The following MAGI1 variants were observed in gnomAD, a reference collection of about 807,000 sequenced individuals.
The protein encoded by MAGI1 is membrane associated guanylate kinase, WW and PDZ domain containing 1, also known as membrane-associated guanylate kinase, WW and PDZ domain-containing protein 1.
MAGI1 carries 58 observed loss-of-function variants against 139.9 expected under a neutral mutation model. That is an observed-to-expected ratio of 0.41 (90% CI 0.34 to 0.52). The LOEUF (loss-of-function observed/expected upper bound fraction) is 0.52. MAGI1 is among the 20% of genes least tolerant of loss of function. The pLI is 0.12. For missense variants in MAGI1, 1,874 were observed against 1,901.6 expected (o/e 0.99, Z 0.27); for synonymous variants, 812 against 737.9 (o/e 1.10, Z -1.63).
At chr3:65,713,509 C>A (rs1194838898) in intron 1 of MAGI1, among the ~76,000 whole-genome samples, 1 of 152,004 alleles carries the variant, frequency 6.6e-6, no homozygotes, top group East Asian at 1.9e-4. Context: ...GGCTGTCTAC[C>A]CTGTGGGAAC....
chr3:65,689,963 A>AGAT (rs1196015342), intron 1 of MAGI1, among the ~76,000 whole-genome samples: 1 of 151,990 alleles, frequency 6.6e-6, no homozygotes, highest in East Asian at 1.9e-4. Flanking sequence ...TCTTCTGGGG[A>AGAT]TCTGTATCCC....
rs776721424 is a variant in MAGI1, at chr3:66,038,127, C to A, written c.182G>T (p.Gly61Val). The A allele has an allele frequency of 6.2e-6, 10 of 1,612,150 alleles. No individual in the cohort carries two copies. The highest frequency in any genetic ancestry group is 8.5e-6 in the Non-Finnish European group (10 of 1,179,538). ...CAGCTCCCCTTCGCCCAGCCTCGGG[C>A]CCTCGCCGCCGCCGGGAAGCCCCGC... ...EAAGLPGGGE[G>V]PRLGEGELLL... is the part of the protein sequence containing the mutation. Residue 61 changes from glycine (G) to valine (V), a missense_variant, in exon 1 of 23, where the codon GGC (glycine) becomes GTC (valine). This residue lies in a region of MAGI1 where 648 missense variants were observed against 598.1 expected (regional missense o/e 1.08). Coordinates refer to ENST00000402939, the MANE Select transcript of MAGI1 (RefSeq NM_001033057.2).
At chr3:65,722,016 A>C (rs967380795) in intron 1 of MAGI1, among the ~76,000 whole-genome samples, 3 of 151,944 alleles carry the variant, frequency 2.0e-5, no homozygotes, top group Non-Finnish European at 4.4e-5. Context: ...CTTGCTTTCC[A>C]CTATGAGTTC....
intron 3 of MAGI1, 74 bp downstream of exon 3, chr3:65,493,438 T>G: frequency 6.3e-7 from 1 of 1,586,418 alleles, no homozygotes; most frequent in Non-Finnish European, 8.6e-7. Context: ...ACAAAACATT[T>G]TTGCCTGGAT....
intron 1 of MAGI1, among the ~76,000 whole-genome samples, chr3:65,754,958 ATT>A (rs11352075): frequency 6.8e-5 from 10 of 148,052 alleles, no homozygotes; most frequent in African/African-American, 1.2e-4. Context: ...TATTTTTTAA[ATT>A]TTTTTTTTTT....
At position 65,812,468 on chromosome 3, in the gene MAGI1, T is replaced by TCTCTCTCTCACACACACACACA. The variant is rs1176899313; in HGVS notation, c.314-190381_314-190380insTGTGTGTGTGTGTGAGAGAGAG. Among the ~76,000 whole-genome samples, 4 of 89,168 alleles carry TCTCTCTCTCACACACACACACA rather than the reference T, an allele frequency of 4.5e-5. No individual in the cohort carries two copies. In the South Asian group the frequency reaches 1.9e-3, roughly 43 times the overall value. 58.5% of individuals were successfully genotyped at this position (89,168 alleles called of 152,430 possible). ...CTTTCTCTCTCTCTCTCTCTCTCTC[T>TCTCTCTCTCACACACACACACA]CACACACACACACACACACACACTT... is the stretch of plus-strand genomic sequence containing the variant. On this transcript the variant is annotated intron_variant, in intron 1 of 22. Transcript: ENST00000402939.
In MAGI1 at chr3:65,780,025, G is replaced by T. The variant is rs185017287; in HGVS notation, c.314-157937C>A. Among the ~76,000 whole-genome samples, 890 of 142,792 alleles carry T rather than the reference G, an allele frequency of 6.2e-3. 1 individual carries two copies. The highest frequency in any genetic ancestry group is 0.011 in the Middle Eastern group (3 of 284). 93.7% of individuals were successfully genotyped at this position (142,792 alleles called of 152,430 possible). On this transcript the variant is annotated intron_variant, in intron 1 of 22. Coordinates refer to ENST00000402939, the MANE Select transcript of MAGI1 (RefSeq NM_001033057.2). ...TGAGAACATGCTATCAATTTTTTGG[G>T]GGGGGAAGGGCAGGGGGGACATCAT...
At chr3:65,414,719 T>A (rs1043069661) in intron 12 of MAGI1, among the ~76,000 whole-genome samples, 3 of 151,764 alleles carry the variant, frequency 2.0e-5, no homozygotes, top group African/African-American at 7.3e-5. Flanking sequence ...AGGAGATAAA[T>A]GATAACAACC....
chr3:65,892,237 TA>T (rs1455781200), intron 1 of MAGI1, among the ~76,000 whole-genome samples: 4 of 152,118 alleles, frequency 2.6e-5, no homozygotes, highest in Admixed American at 1.3e-4. Flanking sequence ...TATTTTTCTT[TA>T]ATTATGTTAC....
At chr3:65,717,074 T>C (rs1049805511) in intron 1 of MAGI1, among the ~76,000 whole-genome samples, 7 of 152,188 alleles carry the variant, frequency 4.6e-5, no homozygotes, top group African/African-American at 1.4e-4. Flanking sequence ...TCCTGGATTA[T>C]CTGGATGGGC....
chr3:65,764,298 A>C (rs928795004), intron 1 of MAGI1, among the ~76,000 whole-genome samples: 1 of 152,098 alleles, frequency 6.6e-6, no homozygotes, highest in Non-Finnish European at 1.5e-5. Context: ...GTAAAAATGT[A>C]AAGCAAGCCA....
At chr3:65,916,207 C>T (rs1292996026) in intron 1 of MAGI1, among the ~76,000 whole-genome samples, 2 of 152,028 alleles carry the variant, frequency 1.3e-5, no homozygotes, top group African/African-American at 4.8e-5. Context: ...GCTGGGATTG[C>T]AGGCACATGC....
chr3:65,742,038 G>A (rs1361392865), intron 1 of MAGI1, among the ~76,000 whole-genome samples: 2 of 152,140 alleles, frequency 1.3e-5, no homozygotes, highest in Admixed American at 6.5e-5. Context: ...TGAATACTAC[G>A]TGGCTTTCAT....
chr3:65,508,156 C>A (rs1004105538), intron 2 of MAGI1, among the ~76,000 whole-genome samples: 4 of 152,158 alleles, frequency 2.6e-5, no homozygotes, highest in African/African-American at 4.8e-5. Flanking sequence ...GTAATCCCAG[C>A]ACTTTGGGAG....
chr3:65,915,131 C>G (rs905835705), intron 1 of MAGI1, among the ~76,000 whole-genome samples: 1 of 152,162 alleles, frequency 6.6e-6, no homozygotes, highest in Non-Finnish European at 1.5e-5. Context: ...CAAGAAACTG[C>G]TAATCATATG....
At chr3:66,006,924 A>G (rs954824644) in intron 1 of MAGI1, among the ~76,000 whole-genome samples, 7 of 152,078 alleles carry the variant, frequency 4.6e-5, no homozygotes, top group Non-Finnish European at 8.8e-5. Flanking sequence ...TCAAATTCCT[A>G]GGCTCAAGTG....
At chr3:65,625,864 T>C (rs2083942556) in intron 1 of MAGI1, among the ~76,000 whole-genome samples, 1 of 152,200 alleles carries the variant, frequency 6.6e-6, no homozygotes. Context: ...TGTGCTAAAA[T>C]AGTGTGGACC....
intron 1 of MAGI1, among the ~76,000 whole-genome samples, chr3:65,629,452 T>G (rs997059812): frequency 2.6e-5 from 4 of 152,266 alleles, no homozygotes; most frequent in African/African-American, 9.6e-5. Context: ...CACTTTCAGG[T>G]GATTCTGCTT....
rs1392999339 is a variant in MAGI1 at position 65,530,685 on chromosome 3, AC to A, written c.431-37055del. On this transcript the variant is annotated intron_variant, in intron 2 of 22. Coordinates refer to ENST00000402939, the MANE Select transcript of MAGI1 (RefSeq NM_001033057.2). Reference sequence around the variant, plus strand: ...TGTATATATATATACATATATATATACGTGTATATATATACACATATACACG... The same window carrying A: ...TGTATATATATATACATATATATATAGTGTATATATATACACATATACACG... 5.7e-4 allele frequency among the ~76,000 whole-genome samples: 80 copies of A among 139,332 alleles called. 14 individuals carry two copies. Among genetic ancestry groups the A allele is most frequent in the African/African-American group, 2.1e-3 (75 of 35,512 alleles). 91.4% of individuals were successfully genotyped at this position (139,332 alleles called of 152,430 possible). A position where few individuals can be genotyped will look rare whatever the true frequency, so the allele number is the denominator to read the frequency against.
Sources: gnomAD v4.1 joint callset for allele counts (sites outside exome capture counted in the v4.1 genomes callset) on GRCh38, gnomAD v4.1.1 for gene constraint, gnomAD v4.1.1 regional missense constraint, MANE v1.5 for transcripts, NCBI Gene and HGNC (gene_info 2026-07-23, HGNC 2026-07-21) for gene names.